INTS4: variants seen among roughly 807,000 people sequenced by gnomAD.
INTS4 encodes integrator complex subunit 4, also known as MSTP093.
A neutral mutation model predicts 119.5 loss-of-function variants in INTS4; 70 were observed. The ratio of observed to expected loss-of-function variants is 0.59; its 90% CI spans 0.48 to 0.71. The LOEUF (loss-of-function observed/expected upper bound fraction) is 0.71. INTS4 is among the 30% of genes least tolerant of loss of function. INTS4 has a pLI of 0.00. For synonymous variants in INTS4, 316 were observed against 419.6 expected, an observed-to-expected ratio of 0.75 and a Z score of 3.02; for missense variants, 867 against 1,173.2, an observed-to-expected ratio of 0.74 and a Z score of 3.81.
At position 77,956,718 on chromosome 11, in the gene INTS4, ATAATAATAATAATAAT is replaced by A. The variant is rs1954334613; in HGVS notation, c.798-672_798-657del. ...CGAGACTCCATCTCAAAAAATAATA[ATAATAATAATAATAAT>A]AATAATAATAATAATAATAATAATA... is the stretch of plus-strand genomic sequence containing the variant. On this transcript the variant is annotated intron_variant, in intron 7 of 22. Transcript: ENST00000534064. 3.4e-3 allele frequency among the ~76,000 whole-genome samples: 284 copies of A among 84,678 alleles called. 6 individuals are homozygous for A. The highest frequency in any genetic ancestry group is 6.8e-3 in the African/African-American group (152 of 22,378). The allele number at this position is 84,678 out of a possible 152,430, so 55.6% of individuals were successfully genotyped here. A position where few individuals can be genotyped will look rare whatever the true frequency, so the allele number is the denominator to read the frequency against.
rs376574015 is a variant in INTS4 at position 77,891,287 on chromosome 11, A to G, written c.2592+32T>C. 4 of 1,601,532 alleles carry G rather than the reference A, an allele frequency of 2.5e-6. No homozygotes were observed. In the Admixed American group the frequency reaches 6.8e-5, roughly 27 times the overall value. ...AAATACTTCAACACAATGTCAGTCT[A>G]GAAGCTCCATGAGGACCCAAACCCG... On this transcript the variant is annotated intron_variant, in intron 21 of 22. Transcript: ENST00000534064.
At chr11:77,912,997 A>C (rs762854308) in intron 15 of INTS4, among the ~76,000 whole-genome samples, 1 of 152,224 alleles carries the variant, frequency 6.6e-6, no homozygotes, top group Non-Finnish European at 1.5e-5. Context: ...TCAGGTAATA[A>C]TGAGCTATTT....
chr11:77,948,427 A>AC (rs1954099892), intron 8 of INTS4, among the ~76,000 whole-genome samples: 1 of 152,150 alleles, frequency 6.6e-6, no homozygotes, highest in Non-Finnish European at 1.5e-5. Flanking sequence ...CAGGCGAATC[A>AC]CTTGAGGCCA....
At position 77,924,760 on chromosome 11, in the gene INTS4, A is replaced by T. The variant is rs754566925; in HGVS notation, c.1504T>A (p.Ser502Thr). Residue 502 changes from serine (S) to threonine (T), a missense_variant, in exon 12 of 23, where the codon TCC becomes ACC. Around this residue, in one of 5 missense-constraint regions of INTS4, gnomAD observed 51 missense variants for 125.5 expected, o/e 0.41. Coordinates refer to ENST00000534064, the MANE Select transcript of INTS4 (RefSeq NM_033547.4). ...NLTKYPTDRD[S>T]IWKCLKFLGS... is the part of the protein sequence containing the mutation. Reference sequence around the variant, plus strand: ...CAAAAAAGTCATTACTTCCATATGGAGTCCCTATCAGTAGGGTACTTGGTT... The same window carrying T: ...CAAAAAAGTCATTACTTCCATATGGTGTCCCTATCAGTAGGGTACTTGGTT... The T allele has an allele frequency of 6.2e-7, 1 of 1,607,366 alleles. No individual in the cohort carries two copies. Among genetic ancestry groups the T allele is most frequent in the Non-Finnish European group, 8.5e-7 (1 of 1,174,676 alleles).
At position 77,918,922 on chromosome 11, in the gene INTS4, C is replaced by T. The variant is rs1373842005; in HGVS notation, c.1821G>A (p.Glu607=). Residue 607 remains glutamate (E), a synonymous_variant, in exon 15 of 23, where the codon GAG becomes GAA. Coordinates refer to ENST00000534064, the MANE Select transcript of INTS4 (RefSeq NM_033547.4). Reference sequence around the variant, plus strand: ...GCTGCAGGAACTGCTGGGAAGGATCCTCTTGAGGTATGATGCTGGGAGAAA... The same window carrying T: ...GCTGCAGGAACTGCTGGGAAGGATCTTCTTGAGGTATGATGCTGGGAGAAA... The part of the protein sequence containing the change: ...SAVSPSIIPQ[E]DPSQQFLQQS... 6.2e-7 allele frequency: 1 copy of T among 1,613,958 alleles called. No individual in the cohort carries two copies. The highest frequency in any genetic ancestry group is 8.5e-7 in the Non-Finnish European group (1 of 1,179,864).
At chr11:77,881,304 G>A (rs184098907) in intron 22 of INTS4, among the ~76,000 whole-genome samples, 1 of 152,294 alleles carries the variant, frequency 6.6e-6, no homozygotes, top group Admixed American at 6.5e-5. Context: ...AGCTTCCTAC[G>A]TGGCAGCATC....
intron 4 of INTS4, among the ~76,000 whole-genome samples, chr11:77,972,313 G>GA (rs1855764304): frequency 6.6e-6 from 1 of 152,028 alleles, no homozygotes; most frequent in African/African-American, 2.4e-5. Flanking sequence ...TGCCCAGGCT[G>GA]GTCTCAAACT....
chr11:77,975,140 A>C (rs1008488213), intron 4 of INTS4, among the ~76,000 whole-genome samples: 3 of 151,120 alleles, frequency 2.0e-5, no homozygotes, highest in Admixed American at 2.0e-4. Flanking sequence ...TTTAAGTTTA[A>C]TGGGTGCTTC....
chr11:77,905,831 T>G (rs1218908884), intron 16 of INTS4, among the ~76,000 whole-genome samples: 1 of 152,178 alleles, frequency 6.6e-6, no homozygotes, highest in Non-Finnish European at 1.5e-5. Flanking sequence ...ACCTTTCCCT[T>G]TATGACCAAT....
At chr11:77,967,956 T>C (rs915100928) in intron 4 of INTS4, among the ~76,000 whole-genome samples, 9 of 152,200 alleles carry the variant, frequency 5.9e-5, no homozygotes, top group Non-Finnish European at 8.8e-5. Context: ...AGAGTGTACT[T>C]ACCCAAACCT....
chr11:77,880,481 G>A (rs1590992341), intron 22 of INTS4, among the ~76,000 whole-genome samples: 1 of 152,210 alleles, frequency 6.6e-6, no homozygotes, highest in Admixed American at 6.5e-5. Flanking sequence ...GGGTCATGCA[G>A]CAGCCATGAG....
In INTS4 at chr11:77,921,235, G is replaced by A. The variant is rs554733803; in HGVS notation, c.1764+105C>T. The A allele has an allele frequency of 9.1e-5, 107 of 1,169,752 alleles. 1 individual carries two copies. The East Asian group carries it at 1.5e-3, about 17-fold the overall frequency. The allele number at this position is 1,169,752 out of a possible 1,614,324, so 72.5% of individuals were successfully genotyped here. Reference sequence around the variant, plus strand: ...GGCTTAAGCCCAGGAGTTTGAGACCGCCCTGGGCAACATAACAAGACCCCC... The same window carrying A: ...GGCTTAAGCCCAGGAGTTTGAGACCACCCTGGGCAACATAACAAGACCCCC... On this transcript the variant is annotated intron_variant, in intron 14 of 22. Transcript: ENST00000534064.
chr11:77,960,014 TG>T (rs1178287776), intron 6 of INTS4, among the ~76,000 whole-genome samples: 2 of 152,164 alleles, frequency 1.3e-5, no homozygotes, highest in Non-Finnish European at 2.9e-5. Flanking sequence ...AATGAGTTCA[TG>T]TACGGCCCAA....
intron 8 of INTS4, among the ~76,000 whole-genome samples, chr11:77,942,351 T>C (rs958630800): frequency 7.2e-5 from 11 of 152,024 alleles, no homozygotes; most frequent in African/African-American, 1.7e-4. Flanking sequence ...AAGTGGGAAA[T>C]ATTAAGTCGT....
At chr11:77,974,293 A>C (rs1303864806) in intron 4 of INTS4, among the ~76,000 whole-genome samples, 1 of 133,844 alleles carries the variant, frequency 7.5e-6, no homozygotes, top group Non-Finnish European at 1.5e-5. Flanking sequence ...CCCAGGCTGG[A>C]GTGCAATGGC....
At chr11:77,886,516 G>C (rs747486062) in intron 21 of INTS4, among the ~76,000 whole-genome samples, 4 of 152,216 alleles carry the variant, frequency 2.6e-5, no homozygotes, top group Non-Finnish European at 4.4e-5. Context: ...TGAAGCACGG[G>C]TAAACGGCGG....
At chr11:77,947,912 C>G (rs190342953) in intron 8 of INTS4, among the ~76,000 whole-genome samples, 1 of 152,174 alleles carries the variant, frequency 6.6e-6, no homozygotes, top group East Asian at 1.9e-4. Context: ...GGCCTGATCA[C>G]GGCTCACTGC....
intron 18 of INTS4, chr11:77,900,664 T>C (rs750317358): frequency 3.8e-5 from 26 of 692,906 alleles, no homozygotes. Flanking sequence ...ATTCTTAAGA[T>C]GCACCTTTAT....
intron 12 of INTS4, among the ~76,000 whole-genome samples, chr11:77,923,315 CAAAAAAAAAA>C (rs35475320): frequency 1.1e-5 from 1 of 87,980 alleles, no homozygotes; most frequent in African/African-American, 4.4e-5. Flanking sequence ...GACTCTGTCT[CAAAAAAAAAA>C]AAAAAAAAAA....
Sources: allele counts gnomAD v4.1 joint callset (sites outside exome capture counted in the v4.1 genomes callset), GRCh38; gene constraint gnomAD v4.1.1; regional missense constraint gnomAD v4.1.1; transcripts MANE v1.5; gene names NCBI Gene and HGNC (gene_info 2026-07-23, HGNC 2026-07-21).